EGFLAM: variants seen among roughly 807,000 people sequenced by gnomAD.
EGFLAM encodes pikachurin.
Under a neutral mutation model 113.1 loss-of-function variants are expected in EGFLAM, and 79 were observed. That is an observed-to-expected ratio of 0.70 (90% CI 0.58 to 0.84). The LOEUF (loss-of-function observed/expected upper bound fraction) is 0.84, where lower values mean the gene tolerates loss of function less well. Among genes scored for constraint, EGFLAM ranks in the 40% least tolerant of loss-of-function variants. The pLI, the probability that EGFLAM is intolerant of heterozygous loss-of-function variation, is 0.00. For missense variants in EGFLAM, 1,265 were observed against 1,291.6 expected (o/e 0.98, Z 0.32); for synonymous variants, 504 against 487.6 (o/e 1.03, Z -0.44).
intron 1 of EGFLAM, among the ~76,000 whole-genome samples, chr5:38,259,369 T>C (rs1757444986): frequency 6.6e-6 from 1 of 152,232 alleles, no homozygotes. Context: ...GGGCCATTTG[T>C]TCAGAAGGAA....
rs188676823 is a variant in EGFLAM at position 38,317,762 on chromosome 5, G to A, written c.98-19758G>A. On this transcript the variant is annotated intron_variant, in intron 1 of 21. Transcript: ENST00000322350. ...TTCTTCTAACCCAATGGCTTTACAGGTAGGACCCACAGGTGAAGACTTGGC... is the reference window on the plus strand; with the variant it reads ...TTCTTCTAACCCAATGGCTTTACAGATAGGACCCACAGGTGAAGACTTGGC... 3.5e-4 allele frequency among the ~76,000 whole-genome samples: 54 copies of A among 152,332 alleles called. No homozygotes were observed. The East Asian group carries it at 9.1e-3, about 26-fold the overall frequency.
rs779907980 is a variant in EGFLAM at position 38,427,043 on chromosome 5, T to C, written c.1845T>C (p.Ser615=). ...TGACCATTCCTCAGTTCAGAGAGTC[T>C]CTGAGATCTTACGCTGCAACTCCCT... is the stretch of plus-strand genomic sequence containing the variant. The part of the protein sequence containing the change: ...FTLTIPQFRE[S]LRSYAATPWP... Residue 615 remains serine (S), a synonymous_variant, in exon 14 of 22, where the codon TCT becomes TCC. Coordinates refer to ENST00000322350, the MANE Select transcript of EGFLAM (RefSeq NM_152403.4). The C allele has an allele frequency of 4.3e-6, 7 of 1,614,080 alleles. No homozygotes were observed. The South Asian group carries it at 7.7e-5, about 18-fold the overall frequency.
intron 1 of EGFLAM, among the ~76,000 whole-genome samples, chr5:38,281,091 A>G (rs527708996): frequency 3.9e-5 from 6 of 152,202 alleles, no homozygotes; most frequent in Non-Finnish European, 8.8e-5. Flanking sequence ...CCAGGACTCA[A>G]TAGAAGTTCT....
At chr5:38,326,656 C>T (rs544442650) in intron 1 of EGFLAM, among the ~76,000 whole-genome samples, 12 of 151,342 alleles carry the variant, frequency 7.9e-5, no homozygotes, top group East Asian at 3.9e-4. Flanking sequence ...CCACGCCTGG[C>T]GTTTTTTTGT....
intron 1 of EGFLAM, among the ~76,000 whole-genome samples, chr5:38,263,032 G>C (rs1173209061): frequency 6.6e-6 from 1 of 152,138 alleles, no homozygotes; most frequent in East Asian, 1.9e-4. Flanking sequence ...ATTCTAATAA[G>C]CATGTAATAG....
At chr5:38,364,851 TAATGTGAGAGA>T (rs777724251) in intron 5 of EGFLAM, among the ~76,000 whole-genome samples, 30 of 152,236 alleles carry the variant, frequency 2.0e-4, no homozygotes, top group Non-Finnish European at 4.4e-4. Flanking sequence ...TTAGAAGGAA[TAATGTGAGAGA>T]AAATACTTAG....
At chr5:38,364,083 A>T (rs1481450263) in intron 5 of EGFLAM, among the ~76,000 whole-genome samples, 3 of 152,244 alleles carry the variant, frequency 2.0e-5, no homozygotes, top group African/African-American at 7.2e-5. Flanking sequence ...AATTCTGAAG[A>T]TATTTTAATT....
chr5:38,349,222 A>G (rs1272391562), intron 3 of EGFLAM, among the ~76,000 whole-genome samples: 1 of 152,226 alleles, frequency 6.6e-6, no homozygotes, highest in African/African-American at 2.4e-5. Context: ...AACAGTTTTT[A>G]ATAAATACAA....
chr5:38,315,547 C>A (rs1344352521), intron 1 of EGFLAM, among the ~76,000 whole-genome samples: 1 of 152,176 alleles, frequency 6.6e-6, no homozygotes, highest in East Asian at 1.9e-4. Context: ...CCCAACTGAA[C>A]AGACCTTATA....
At chr5:38,333,967 A>T (rs1579785083) in intron 1 of EGFLAM, among the ~76,000 whole-genome samples, 1 of 109,544 alleles carries the variant, frequency 9.1e-6, no homozygotes, top group Non-Finnish European at 1.7e-5. Context: ...CTTTTCACCT[A>T]GGCTGGAATG....
At chr5:38,337,831 G>A (rs1049840860) in intron 2 of EGFLAM, among the ~76,000 whole-genome samples, 4 of 152,120 alleles carry the variant, frequency 2.6e-5, no homozygotes, top group African/African-American at 9.7e-5. Context: ...TACTCACTTA[G>A]GATCTATCCA....
rs144790667 is a variant in EGFLAM at position 38,368,317 on chromosome 5, G to C, written c.546-1979G>C. Reference sequence around the variant, plus strand: ...TAGTTTACATGAGAATTCCATCTTTGGGAAAAGAATATCAGGAAAGAGAAA... The same window carrying C: ...TAGTTTACATGAGAATTCCATCTTTCGGAAAAGAATATCAGGAAAGAGAAA... On this transcript the variant is annotated intron_variant, in intron 5 of 21. Transcript: ENST00000322350. Among the ~76,000 whole-genome samples, 357 of 152,264 alleles carry C rather than the reference G, an allele frequency of 2.3e-3. 4 individuals are homozygous for C. The highest frequency in any genetic ancestry group is 8.3e-3 in the African/African-American group (344 of 41,538).
At position 38,407,090 on chromosome 5, in the gene EGFLAM, G is replaced by T. The variant is rs540141603; in HGVS notation, c.1091G>T (p.Trp364Leu). Residue 364 changes from tryptophan (W) to leucine (L), a missense_variant, in exon 8 of 22, where the codon TGG becomes TTG. Coordinates refer to ENST00000322350, the MANE Select transcript of EGFLAM (RefSeq NM_152403.4). ...AGCTTCTGTGTCAATGACTACACCT[G>T]GGGGGGCTCGCGATGCCAGTGCACC... ...ADSFCVNDYT[W>L]GGSRCQCTLG... is the part of the protein sequence containing the mutation. The T allele has an allele frequency of 5.1e-5, 83 of 1,613,980 alleles. 2 individuals are homozygous for T. The South Asian group carries it at 8.3e-4, about 16-fold the overall frequency.
At chr5:38,334,240 T>C (rs181113531) in intron 1 of EGFLAM, among the ~76,000 whole-genome samples, 1 of 152,086 alleles carries the variant, frequency 6.6e-6, no homozygotes, top group Non-Finnish European at 1.5e-5. Flanking sequence ...GTTTTAAGAG[T>C]TCTTTGTTAT....
Position 38,427,233 on chromosome 5 carries a change from T to C in EGFLAM, c.2035T>C (p.Ser679Pro), listed in dbSNP as rs557120101. Residue 679 changes from serine (S) to proline (P), a missense_variant, in exon 14 of 22, where the codon TCT becomes CCT. Coordinates refer to ENST00000322350, the MANE Select transcript of EGFLAM (RefSeq NM_152403.4). ...GHVEFRFDCG[S>P]GTGVLRSEDP... ...CGTGGAGTTCCGCTTTGACTGTGGC[T>C]CTGGGACCGGTGTCCTCAGGTGAGG... 1.7e-5 allele frequency: 27 copies of C among 1,614,038 alleles called. No individual in the cohort carries two copies. The highest frequency in any genetic ancestry group is 2.3e-5 in the Non-Finnish European group (27 of 1,179,998).
At chr5:38,373,697 T>C (rs1185422457) in intron 6 of EGFLAM, among the ~76,000 whole-genome samples, 1 of 152,258 alleles carries the variant, frequency 6.6e-6, no homozygotes, top group East Asian at 1.9e-4. Context: ...GTGACTTTGC[T>C]ATTGTGAATA....
In EGFLAM at chr5:38,296,356, C is replaced by A. The variant is rs565156179; in HGVS notation, c.97+37505C>A. On this transcript the variant is annotated intron_variant, in intron 1 of 21. Coordinates refer to ENST00000322350, the MANE Select transcript of EGFLAM (RefSeq NM_152403.4). ...GAATCAACTTACTGAATATGCAGCC[C>A]CGTAAGTTGAATAGTCTGGATTCTC... Among the ~76,000 whole-genome samples the A allele has an allele frequency of 5.5e-4, 83 of 152,150 alleles. 1 individual carries two copies. The highest frequency in any genetic ancestry group is 2.0e-3 in the African/African-American group (83 of 41,504).
chr5:38,456,501 A>G (rs1161629189), intron 19 of EGFLAM, among the ~76,000 whole-genome samples: 1 of 152,150 alleles, frequency 6.6e-6, no homozygotes, highest in East Asian at 1.9e-4. Flanking sequence ...TGCTTTATAC[A>G]AGGAGGTACT....
chr5:38,352,180 T>A lies in EGFLAM; in HGVS notation c.410-16T>A, dbSNP rs1342881116. ...GACCACCAGCCTAGTCTAGTTGTGT[T>A]TGTCATCCCACCTAGATTCCTGCCT... is the stretch of plus-strand genomic sequence containing the variant. On this transcript the variant is annotated splice_polypyrimidine_tract_variant and intron_variant, in intron 4 of 21. Coordinates refer to ENST00000322350, the MANE Select transcript of EGFLAM (RefSeq NM_152403.4). The A allele has an allele frequency of 6.2e-7, 1 of 1,613,922 alleles. No homozygotes were observed.
Sources: allele counts gnomAD v4.1 joint callset (sites outside exome capture counted in the v4.1 genomes callset), GRCh38; gene constraint gnomAD v4.1.1; transcripts MANE v1.5; gene names NCBI Gene and HGNC (gene_info 2026-07-23, HGNC 2026-07-21).